Variants in NRDC observed in about 807,000 individuals in gnomAD.
NRDC encodes the protein nardilysin convertase, also known as nardilysin.
In NRDC, 54 loss-of-function variants were observed where a neutral mutation model predicts 147.1. The ratio of observed to expected loss-of-function variants is 0.37; its 90% CI spans 0.29 to 0.46. The LOEUF is 0.46. Ranked by LOEUF, NRDC falls within the 20% of genes least tolerant of loss-of-function variation. The probability of loss-of-function intolerance (pLI) is 1.00; values close to 1 mark genes in which losing one functional copy is unlikely to be tolerated. For missense variants in NRDC, 1,082 were observed against 1,370.6 expected (o/e 0.79, Z 3.33); for synonymous variants, 440 against 482.1 (o/e 0.91, Z 1.14).
intron 1 of NRDC, among the ~76,000 whole-genome samples, chr1:51,854,442 G>A (rs1557933087): frequency 6.6e-6 from 1 of 152,146 alleles, no homozygotes; most frequent in Non-Finnish European, 1.5e-5. Context: ...ACAGGAAGTA[G>A]GCAGAGCAGT....
chr1:51,837,705 G>A, intron 2 of NRDC: 1 of 1,083,558 alleles, frequency 9.2e-7, no homozygotes, highest in Non-Finnish European at 1.2e-6. Flanking sequence ...AATTAAGAAA[G>A]CCCTGAACAA....
Position 51,789,414 on chromosome 1 carries a change from T to C in NRDC, c.3278A>G (p.Tyr1093Cys), listed in dbSNP as rs774028598. 1 of 1,614,072 alleles carries C rather than the reference T, an allele frequency of 6.2e-7. No homozygotes were observed. The highest frequency in any genetic ancestry group is 1.1e-5 in the South Asian group (1 of 91,084). The change falls in exon 31 of 31, where the codon TAT becomes TGT. Residue 1093 changes from tyrosine to cysteine, a missense_variant. Transcript: ENST00000352171. Reference protein sequence around the residue: ...LSVHVVGYGKYELEEDGTPSS... With the variant: ...LSVHVVGYGKCELEEDGTPSS... ...AGGGGTACCATCCTCTTCCAGTTCA[T>C]ACTTCCCATATCCAACAACCTGAAA...
rs751469672 is a variant in NRDC at position 51,792,065 on chromosome 1, G to A, written c.2857C>T (p.Arg953Ter). The A allele has an allele frequency of 3.7e-6, 6 of 1,613,870 alleles. No individual in the cohort carries two copies. In the African/African-American group the frequency reaches 4.0e-5, roughly 11 times the overall value. ...ACTTACCCAAGGGTCTGCTTGGTTCGAAGGAAGTCAAAACAAGGTTCTTCC... is the reference window on the plus strand; with the variant it reads ...ACTTACCCAAGGGTCTGCTTGGTTCAAAGGAAGTCAAAACAAGGTTCTTCC... ...HMEEPCFDFL[R>*]TKQTLGYHVY... The change falls in exon 26 of 31, where the codon CGA becomes TGA. Residue 953 changes from arginine to a stop codon, truncating the protein, a stop_gained. Coordinates refer to ENST00000352171, the MANE Select transcript of NRDC (RefSeq NM_001101662.2). LOFTEE classifies it high-confidence loss of function.
chr1:51,790,755 G>A, intron 28 of NRDC, 106 bp from the exon 29 acceptor site: 3 of 982,164 alleles, frequency 3.1e-6, no homozygotes, highest in Admixed American at 1.9e-5. Context: ...GCCAGTATAA[G>A]AGGCACGGAT....
intron 17 of NRDC, 79 bp downstream of exon 17, chr1:51,809,236 C>A: frequency 1.1e-6 from 1 of 894,720 alleles, no homozygotes; most frequent in Non-Finnish European, 1.8e-6. Context: ...TCCTACGATA[C>A]TTTGTAAAAT....
intron 21 of NRDC, chr1:51,799,056 C>CT (rs1679064104): frequency 1.3e-5 from 2 of 152,024 alleles, no homozygotes; most frequent in African/African-American, 4.8e-5. Flanking sequence ...TATTATTATT[C>CT]TTTTATAAAG....
At chr1:51,841,506 C>T (rs1681265546) in intron 1 of NRDC, among the ~76,000 whole-genome samples, 2 of 151,938 alleles carry the variant, frequency 1.3e-5, no homozygotes, top group Non-Finnish European at 2.9e-5. Context: ...AGGGTTTTGC[C>T]ATGTTACCCA....
In NRDC at chr1:51,790,953, A is replaced by G; in HGVS notation, c.2998T>C (p.Ser1000Pro). 1.2e-6 allele frequency: 2 copies of G among 1,613,958 alleles called. No homozygotes were observed. The highest frequency in any genetic ancestry group is 1.7e-6 in the Non-Finnish European group (2 of 1,179,866). Residue 1000 changes from serine to proline, a missense_variant, in exon 28 of 31, where the codon TCT becomes CCT. Coordinates refer to ENST00000352171, the MANE Select transcript of NRDC (RefSeq NM_001101662.2). Reference protein sequence around the residue: ...VVDKKIEEFLSSFEEKIENLT... With the variant: ...VVDKKIEEFLPSFEEKIENLT... Reference sequence around the variant, plus strand: ...TTCTCAATCTTCTCCTCAAAGCTAGAAAGAAACTCTTCTATCTTCTTATCA... The same window carrying G: ...TTCTCAATCTTCTCCTCAAAGCTAGGAAGAAACTCTTCTATCTTCTTATCA...
At chr1:51,849,166 C>T (rs1231583772) in intron 1 of NRDC, among the ~76,000 whole-genome samples, 2 of 152,038 alleles carry the variant, frequency 1.3e-5, no homozygotes, top group Non-Finnish European at 2.9e-5. Flanking sequence ...ACGGGCGGAT[C>T]ACAAGGTCTG....
chr1:51,851,174 A>T (rs1681928076), intron 1 of NRDC, among the ~76,000 whole-genome samples: 1 of 152,118 alleles, frequency 6.6e-6, no homozygotes, highest in Admixed American at 6.5e-5. Flanking sequence ...TCACCTGAGA[A>T]GATGTCTTTT....
chr1:51,800,411 A>G (rs1002250392), intron 21 of NRDC, 145 bp downstream of exon 21: 27 of 859,036 alleles, frequency 3.1e-5, no homozygotes, highest in African/African-American at 5.0e-5. Context: ...CCGTAACGCT[A>G]TGCACGGGTC....
At position 51,789,217 on chromosome 1, in the gene NRDC, C is replaced by G; in HGVS notation, c.*19G>C. On this transcript the variant is annotated 3_prime_UTR_variant, in exon 31 of 31. Transcript: ENST00000352171. ...TTTTAAAATACACATTGCTTCAGGC[C>G]AACGTGACTGCAGTTTATTTATTTG... is the stretch of plus-strand genomic sequence containing the variant. 1 of 1,608,518 alleles carries G rather than the reference C, an allele frequency of 6.2e-7. No individual in the cohort carries two copies. Among genetic ancestry groups the G allele is most frequent in the Non-Finnish European group, 8.5e-7 (1 of 1,175,144 alleles).
intron 1 of NRDC, among the ~76,000 whole-genome samples, chr1:51,856,829 T>C (rs1054734178): frequency 6.6e-6 from 1 of 152,084 alleles, no homozygotes; most frequent in Non-Finnish European, 1.5e-5. Context: ...GAGAGATGGA[T>C]AGGAGAAAGT....
At chr1:51,836,018 T>C in intron 3 of NRDC, 113 bp downstream of exon 3, 1 of 806,938 alleles carries the variant, frequency 1.2e-6, no homozygotes, top group Non-Finnish European at 2.0e-6. Context: ...GCCTTTTCTC[T>C]TGCTAAATAT....
At chr1:51,836,241 T>G in intron 2 of NRDC, 29 bp from the exon 3 acceptor site, 1 of 1,606,850 alleles carries the variant, frequency 6.2e-7, no homozygotes. Flanking sequence ...ATACAAATAG[T>G]TGAGTCAACC....
chr1:51,859,957 C>CCAT (rs1178369577), intron 1 of NRDC: 1 of 183,746 alleles, frequency 5.4e-6, no homozygotes, highest in Non-Finnish European at 1.2e-5. Flanking sequence ...GTGCCTACTC[C>CCAT]CATCACTGCT....
Position 51,814,036 on chromosome 1 carries a change from T to C in NRDC, c.1673A>G (p.Gln558Arg). 2 of 1,594,238 alleles carry C rather than the reference T, an allele frequency of 1.3e-6. No homozygotes were observed. The highest frequency in any genetic ancestry group is 1.1e-5 in the South Asian group (1 of 90,224). The change falls in exon 14 of 31, where the codon CAG becomes CGG. Residue 558 changes from glutamine (Q) to arginine (R), a missense_variant and splice_region_variant. Gln to Arg is a conservative substitution (Grantham distance 43, BLOSUM62 1). Around this residue, in one of 3 missense-constraint regions of NRDC, gnomAD observed 635 missense variants for 923.8 expected, o/e 0.69. Transcript: ENST00000352171. ...IEDNEFHYQE[Q>R]TDPVEYVENM... Reference sequence around the variant, plus strand: ...CAAAAAGAATTTGACTTCCAGTACCTGTTCTTGGTAATGAAATTCATTATC... The same window carrying C: ...CAAAAAGAATTTGACTTCCAGTACCCGTTCTTGGTAATGAAATTCATTATC...
intron 21 of NRDC, chr1:51,799,180 TG>T (rs1557899305): frequency 6.6e-6 from 1 of 152,214 alleles, no homozygotes; most frequent in African/African-American, 2.4e-5. Flanking sequence ...ACCGTATCAA[TG>T]GTTGCAGATA....
At chr1:51,844,335 GC>G (rs1426492799) in intron 1 of NRDC, among the ~76,000 whole-genome samples, 5 of 152,032 alleles carry the variant, frequency 3.3e-5, no homozygotes, top group African/African-American at 1.2e-4. Context: ...TAAACATCAG[GC>G]CTCTAAAGTA....
Sources: allele counts gnomAD v4.1 joint callset (sites outside exome capture counted in the v4.1 genomes callset), GRCh38; gene constraint gnomAD v4.1.1; regional missense constraint gnomAD v4.1.1; transcripts MANE v1.5; gene names NCBI Gene and HGNC (gene_info 2026-07-23, HGNC 2026-07-21).